The following PTPN14 variants were observed in gnomAD, a reference collection of about 807,000 sequenced individuals.
The protein encoded by PTPN14 is protein tyrosine phosphatase non-receptor type 14.
In PTPN14, 53 loss-of-function variants were observed where a neutral mutation model predicts 126.8. The observed-to-expected ratio is 0.42, with a 90% CI of 0.34 to 0.53. The LOEUF (loss-of-function observed/expected upper bound fraction) is 0.53, where lower values mean the gene tolerates loss of function less well. Ranked by LOEUF, PTPN14 falls within the 20% of genes least tolerant of loss-of-function variation. The probability of loss-of-function intolerance (pLI) is 0.08; values close to 1 mark genes in which losing one functional copy is unlikely to be tolerated. For missense variants in PTPN14, 1,257 were observed against 1,552.9 expected (o/e 0.81, Z 3.20); for synonymous variants, 630 against 599.3 (o/e 1.05, Z -0.75).
intron 4 of PTPN14, among the ~76,000 whole-genome samples, chr1:214,412,999 A>G (rs1659343431): frequency 6.6e-6 from 1 of 152,174 alleles, no homozygotes; most frequent in South Asian, 2.1e-4. Context: ...TCTCCTGAGT[A>G]GCTGGGACTA....
chr1:214,481,613 T>C (rs1660990198), intron 1 of PTPN14, among the ~76,000 whole-genome samples: 1 of 151,908 alleles, frequency 6.6e-6, no homozygotes, highest in African/African-American at 2.4e-5. Context: ...TGGAGCCTTA[T>C]GAAGTCATCA....
chr1:214,496,917 AAAC>A (rs1654530248), intron 1 of PTPN14, among the ~76,000 whole-genome samples: 1 of 151,826 alleles, frequency 6.6e-6, no homozygotes, highest in African/African-American at 2.4e-5. Flanking sequence ...CTTTGTAAGA[AAAC>A]AAAATCATAA....
intron 1 of PTPN14, among the ~76,000 whole-genome samples, chr1:214,468,273 CG>C (rs796570606): frequency 3.9e-5 from 6 of 152,242 alleles, no homozygotes; most frequent in African/African-American, 1.4e-4. Context: ...CCAACACATA[CG>C]GCTGGGTGCG....
Position 214,464,887 on chromosome 1 carries a change from T to C in PTPN14, c.-84A>G. The C allele has an allele frequency of 2.0e-6, 3 of 1,523,782 alleles. No individual in the cohort carries two copies. Among genetic ancestry groups the C allele is most frequent in the Non-Finnish European group, 2.7e-6 (3 of 1,118,396 alleles). The allele number at this position is 1,523,782 out of a possible 1,614,324, so 94.4% of individuals were successfully genotyped here. A position where few individuals can be genotyped will look rare whatever the true frequency, so the allele number is the denominator to read the frequency against. ...CTTAGCAGTTTCGTGACTGGAAAAT[T>C]ACACTATCACCTGTGCTCCTCCAGG... is the stretch of plus-strand genomic sequence containing the variant. On this transcript the variant is annotated 5_prime_UTR_variant, in exon 2 of 19. Transcript: ENST00000366956.
intron 1 of PTPN14, among the ~76,000 whole-genome samples, chr1:214,518,612 T>C (rs1328198121): frequency 6.6e-6 from 1 of 152,212 alleles, no homozygotes; most frequent in African/African-American, 2.4e-5. Flanking sequence ...CTGGGTTCTC[T>C]TGAGCCCAAG....
chr1:214,543,925 T>C (rs1209957809), intron 1 of PTPN14, among the ~76,000 whole-genome samples: 1 of 152,186 alleles, frequency 6.6e-6, no homozygotes, highest in African/African-American at 2.4e-5. Flanking sequence ...GGCCACACTT[T>C]TAAAAAATAA....
intron 16 of PTPN14, chr1:214,372,319 T>G: frequency 4.3e-6 from 1 of 234,664 alleles, no homozygotes. Flanking sequence ...TGGGCGTCTA[T>G]GTCGATTTGC....
At chr1:214,428,308 A>G (rs6671350) in intron 3 of PTPN14, among the ~76,000 whole-genome samples, 124,192 of 152,216 alleles carry the variant, frequency 0.82, 50,729 homozygotes, top group Admixed American at 0.84. Context: ...AACTAAACTA[A>G]ACCTTTCAGA....
chr1:214,365,578 C>G (rs1242800547), intron 17 of PTPN14, among the ~76,000 whole-genome samples: 1 of 151,988 alleles, frequency 6.6e-6, no homozygotes, highest in Non-Finnish European at 1.5e-5. Context: ...CATCCTAAGG[C>G]AAAAGTGTAA....
Position 214,397,909 on chromosome 1 carries a change from C to T in PTPN14, c.758+4G>A. On this transcript the variant is annotated splice_donor_region_variant and intron_variant, in intron 8 of 18. Transcript: ENST00000366956. ...AAAAAAGAAAAACAAACAAATAAGA[C>T]TACCTGTATATTACCGCTTGTCTTC... The T allele has an allele frequency of 2.5e-6, 4 of 1,587,040 alleles. No individual in the cohort carries two copies. Among genetic ancestry groups the T allele is most frequent in the Non-Finnish European group, 3.5e-6 (4 of 1,156,716 alleles).
At chr1:214,477,320 A>G (rs1285747085) in intron 1 of PTPN14, among the ~76,000 whole-genome samples, 1 of 152,196 alleles carries the variant, frequency 6.6e-6, no homozygotes, top group Non-Finnish European at 1.5e-5. Context: ...CTAAACAGAC[A>G]TGGTCGTGCT....
chr1:214,433,956 A>C (rs879641945), intron 3 of PTPN14, among the ~76,000 whole-genome samples: 9,660 of 31,828 alleles, frequency 0.3, 437 homozygotes, highest in African/African-American at 0.31. Context: ...ACACACAAAA[A>C]AAAAAAAAAA....
At chr1:214,439,293 C>T (rs911664924) in intron 3 of PTPN14, among the ~76,000 whole-genome samples, 3 of 152,126 alleles carry the variant, frequency 2.0e-5, no homozygotes, top group African/African-American at 7.2e-5. Flanking sequence ...TCCAAATTAC[C>T]GACCTTTTTC....
chr1:214,480,762 G>A (rs1186814617), intron 1 of PTPN14, among the ~76,000 whole-genome samples: 5 of 152,220 alleles, frequency 3.3e-5, no homozygotes, highest in East Asian at 3.9e-4. Flanking sequence ...TCAAATGACT[G>A]TACTCCCTTA....
chr1:214,355,722 C>T lies in PTPN14; in HGVS notation c.*2200G>A, dbSNP rs968468018. The stretch of plus-strand genomic sequence containing the variant: ...CCTGGCCAGGTTGAAACAGAGGATT[C>T]CTATTCCGAAGAACTTAATGGGGAA... On this transcript the variant is annotated 3_prime_UTR_variant, in exon 19 of 19. Coordinates refer to ENST00000366956, the MANE Select transcript of PTPN14 (RefSeq NM_005401.5). 1.3e-5 allele frequency: 2 copies of T among 152,104 alleles called. No individual in the cohort carries two copies. The allele number at this position is 152,104 out of a possible 1,614,324, so 9.4% of individuals were successfully genotyped here.
At chr1:214,374,957 T>G (rs1457652999) in intron 15 of PTPN14, among the ~76,000 whole-genome samples, 1 of 152,222 alleles carries the variant, frequency 6.6e-6, no homozygotes, top group East Asian at 1.9e-4. Context: ...AATACATTAC[T>G]TTGGTCATTG....
intron 1 of PTPN14, among the ~76,000 whole-genome samples, chr1:214,517,487 T>TAAAA (rs59698035): frequency 4.3e-5 from 6 of 138,384 alleles, no homozygotes; most frequent in African/African-American, 1.0e-4. Flanking sequence ...AGCATAATAT[T>TAAAA]AAAAAAAAAA....
At position 214,383,722 on chromosome 1, in the gene PTPN14, C is replaced by T. The variant is rs1277702992; in HGVS notation, c.2133G>A (p.Glu711=). The stretch of plus-strand genomic sequence containing the variant: ...ATTCTGGAGCCTCCTCCTCCTCCTC[C>T]TCACTCTCGCTGCTGTGGATTAGCA... ...ATMLIHSSES[E]EEEEEAPESV... Residue 711 remains glutamate, a synonymous_variant, in exon 13 of 19, where the codon GAG becomes GAA. Transcript: ENST00000366956. This position sits in a 1 kb window ranked among gnomAD's most constrained non-coding sequence, Gnocchi z 4.4. The T allele has an allele frequency of 6.2e-7, 1 of 1,613,420 alleles. No individual in the cohort carries two copies. The highest frequency in any genetic ancestry group is 1.7e-5 in the Admixed American group (1 of 60,032).
chr1:214,482,595 C>T (rs1013031156), intron 1 of PTPN14, among the ~76,000 whole-genome samples: 1 of 147,788 alleles, frequency 6.8e-6, no homozygotes, highest in Non-Finnish European at 1.5e-5. Context: ...AAAAAAATCA[C>T]ATAGAAACTA....
Sources: allele counts gnomAD v4.1 joint callset (sites outside exome capture counted in the v4.1 genomes callset), GRCh38; gene constraint gnomAD v4.1.1; non-coding constraint Gnocchi (gnomAD v3.1); transcripts MANE v1.5; gene names NCBI Gene and HGNC (gene_info 2026-07-23, HGNC 2026-07-21).